The following DENND1A variants were observed in gnomAD, a reference collection of about 807,000 sequenced individuals.
DENND1A encodes the protein DENN domain containing 1A, also known as DENN domain-containing protein 1A.
In DENND1A, 51 loss-of-function variants were observed where a neutral mutation model predicts 113.7. The observed-to-expected ratio is 0.45, with a 90% CI of 0.36 to 0.57. DENND1A has a LOEUF of 0.57. DENND1A is among the 20% of genes least tolerant of loss of function. DENND1A has a pLI of 0.00. For missense variants in DENND1A, 1,258 were observed against 1,395.9 expected, an observed-to-expected ratio of 0.90 and a Z score of 1.57; for synonymous variants, 565 against 570.8, an observed-to-expected ratio of 0.99 and a Z score of 0.14.
intron 10 of DENND1A, among the ~76,000 whole-genome samples, chr9:123,629,474 T>C (rs1283684604): frequency 1.3e-5 from 2 of 152,250 alleles, no homozygotes; most frequent in African/African-American, 2.4e-5. Flanking sequence ...GTGAGGACGA[T>C]GATGTGTCTG....
chr9:123,670,367 G>A (rs750165037), intron 7 of DENND1A, among the ~76,000 whole-genome samples: 2 of 152,226 alleles, frequency 1.3e-5, no homozygotes, highest in Non-Finnish European at 2.9e-5. Flanking sequence ...GAATTCTGAT[G>A]AAGGTGGTGA....
At chr9:123,898,325 T>C (rs1303079704) in intron 1 of DENND1A, among the ~76,000 whole-genome samples, 1 of 152,144 alleles carries the variant, frequency 6.6e-6, no homozygotes, top group East Asian at 1.9e-4. Flanking sequence ...ATATGATACA[T>C]TTTATTTTTT....
rs986392711 is a variant in DENND1A, at chr9:123,879,006, G to A, written c.33C>T (p.Thr11=). The change falls in exon 2 of 24, where the codon ACC becomes ACT. Residue 11 remains threonine (T), a synonymous_variant. Transcript: ENST00000394215. MGSRIKQNPE[T]TFEVYVEVAY... ...CCACTTCAACATATACTTCAAATGTGGTCTCTGGATTCTGCCTACAAAAGA... is the reference window on the plus strand; with the variant it reads ...CCACTTCAACATATACTTCAAATGTAGTCTCTGGATTCTGCCTACAAAAGA... 2.5e-6 allele frequency: 4 copies of A among 1,613,840 alleles called. No individual in the cohort carries two copies.
chr9:123,575,220 G>A (rs914555565), intron 12 of DENND1A, among the ~76,000 whole-genome samples: 2 of 152,172 alleles, frequency 1.3e-5, no homozygotes, highest in African/African-American at 4.8e-5. Flanking sequence ...TCAGGCATTA[G>A]ATTCTCATAA....
At chr9:123,808,343 G>C (rs948760269) in intron 2 of DENND1A, among the ~76,000 whole-genome samples, 2 of 150,852 alleles carry the variant, frequency 1.3e-5, no homozygotes, top group Admixed American at 6.6e-5. Context: ...GGCTTGATCA[G>C]TTTCTGTTTC....
intron 2 of DENND1A, among the ~76,000 whole-genome samples, chr9:123,877,365 T>C (rs1847643077): frequency 6.6e-6 from 1 of 151,956 alleles, no homozygotes; most frequent in African/African-American, 2.4e-5. Context: ...GGTGGGCACC[T>C]GTAATCCCAG....
At chr9:123,878,413 T>C (rs551391911) in intron 2 of DENND1A, among the ~76,000 whole-genome samples, 13 of 152,274 alleles carry the variant, frequency 8.5e-5, no homozygotes, top group African/African-American at 3.1e-4. Flanking sequence ...TAGGACCCTC[T>C]TGTCCAGGAA....
chr9:123,912,639 G>A (rs891830262), intron 1 of DENND1A, among the ~76,000 whole-genome samples: 4 of 152,026 alleles, frequency 2.6e-5, no homozygotes, highest in Admixed American at 2.6e-4. Flanking sequence ...TAGTGCTACA[G>A]AAAGCTAAGG....
At chr9:123,665,366 C>T (rs544108393) in intron 8 of DENND1A, among the ~76,000 whole-genome samples, 1 of 152,142 alleles carries the variant, frequency 6.6e-6, no homozygotes, top group South Asian at 2.1e-4. Flanking sequence ...AGTAGTAGTA[C>T]TCAATCAACA....
chr9:123,752,817 T>C (rs1021752116), intron 5 of DENND1A, among the ~76,000 whole-genome samples: 1 of 152,244 alleles, frequency 6.6e-6, no homozygotes. Context: ...TGGTACAATA[T>C]GAAAATGCTA....
chr9:123,701,112 A>T (rs570046243), intron 5 of DENND1A, among the ~76,000 whole-genome samples: 1 of 152,334 alleles, frequency 6.6e-6, no homozygotes, highest in East Asian at 1.9e-4. Context: ...ATATAGGGGA[A>T]AATCTCTGTG....
chr9:123,414,320 C>T, intron 19 of DENND1A: 1 of 1,406,084 alleles, frequency 7.1e-7, no homozygotes, highest in Non-Finnish European at 9.2e-7. Flanking sequence ...GCAACCATTA[C>T]CATCAGCAGG....
chr9:123,452,222 AT>A, intron 17 of DENND1A, 53 bp downstream of exon 17: 1 of 1,497,724 alleles, frequency 6.7e-7, no homozygotes, highest in East Asian at 2.3e-5. Flanking sequence ...AAAGAGTCTC[AT>A]CATGCTAAGG....
intron 1 of DENND1A, among the ~76,000 whole-genome samples, chr9:123,888,582 C>T (rs1186015225): frequency 3.3e-5 from 5 of 152,134 alleles, no homozygotes; most frequent in Non-Finnish European, 5.9e-5. Flanking sequence ...ATATTCCTGT[C>T]GGAGATGCTA....
chr9:123,752,844 C>G (rs1353034029), intron 5 of DENND1A, among the ~76,000 whole-genome samples: 1 of 152,226 alleles, frequency 6.6e-6, no homozygotes, highest in Non-Finnish European at 1.5e-5. Context: ...TCTCACATCC[C>G]TGTGTTTATG....
chr9:123,454,624 T>A, intron 16 of DENND1A, 115 bp downstream of exon 16: 2 of 1,055,914 alleles, frequency 1.9e-6, no homozygotes, highest in South Asian at 2.7e-5. Flanking sequence ...AACAAAGGCA[T>A]CTCCAGCAGA....
chr9:123,444,886 C>T (rs1181292418), intron 18 of DENND1A, among the ~76,000 whole-genome samples: 1 of 152,180 alleles, frequency 6.6e-6, no homozygotes, highest in African/African-American at 2.4e-5. Context: ...CCTGCTTCTT[C>T]CCGAAGGGTC....
intron 19 of DENND1A, among the ~76,000 whole-genome samples, chr9:123,428,604 G>A (rs1007567557): frequency 2.6e-5 from 4 of 152,192 alleles, no homozygotes; most frequent in African/African-American, 9.7e-5. Flanking sequence ...AAGACAGGAA[G>A]TCAAATTATC....
chr9:123,668,319 T>C (rs76461115), intron 7 of DENND1A, among the ~76,000 whole-genome samples: 3,652 of 152,290 alleles, frequency 0.024, 62 homozygotes, highest in South Asian at 0.057. Flanking sequence ...ATAGGCTTTC[T>C]GAAATGAAAG....
Sources: gnomAD v4.1 joint callset for allele counts (sites outside exome capture counted in the v4.1 genomes callset) on GRCh38, gnomAD v4.1.1 for gene constraint, MANE v1.5 for transcripts, NCBI Gene and HGNC (gene_info 2026-07-23, HGNC 2026-07-21) for gene names.